Variants in HYCC1 observed in about 807,000 individuals in gnomAD.
The protein encoded by HYCC1 is hyccin.
the HYCC1 span, chr7:22,976,579 G>A: frequency 2.7e-6 from 2 of 746,992 alleles, no homozygotes; most frequent in South Asian, 3.0e-5. Context: ...AAATGACTCA[G>A]TATTCAAATA....
the HYCC1 span, among the ~76,000 whole-genome samples, chr7:22,898,604 C>CTTTTT: frequency 5.0e-5 from 2 of 39,792 alleles, no homozygotes; most frequent in Non-Finnish European, 6.3e-5. Flanking sequence ...CTTTTCTTTT[C>CTTTTT]TTTTTTTTTT....
chr7:22,934,101 C>G, the HYCC1 span: 7 of 151,956 alleles, frequency 4.6e-5, no homozygotes, highest in East Asian at 1.4e-3. Context: ...AGGGGCTTTC[C>G]CTTTTGAAGG....
chr7:22,987,389 A>G, the HYCC1 span, among the ~76,000 whole-genome samples: 1 of 152,200 alleles, frequency 6.6e-6, no homozygotes, highest in East Asian at 1.9e-4. Context: ...CTCTAATAAA[A>G]ATACAAAAAT....
At chr7:22,944,380 A>C in the HYCC1 span, 18 of 152,124 alleles carry the variant, frequency 1.2e-4, no homozygotes, top group African/African-American at 4.1e-4. Flanking sequence ...GTTTGTTTCA[A>C]CTTCTGCCAT....
chr7:22,947,705 C>A, the HYCC1 span, among the ~76,000 whole-genome samples: 1 of 149,422 alleles, frequency 6.7e-6, no homozygotes, highest in South Asian at 2.2e-4. Flanking sequence ...AGGAACCAAG[C>A]CACACAGAAG....
At chr7:22,898,816 C>T in the HYCC1 span, among the ~76,000 whole-genome samples, 6 of 151,062 alleles carry the variant, frequency 4.0e-5, no homozygotes, top group South Asian at 2.1e-4. Context: ...TTGGCCAGGC[C>T]GGTCTCAAAC....
chr7:22,945,971 T>G, the HYCC1 span: 40 of 1,613,886 alleles, frequency 2.5e-5, no homozygotes, highest in Middle Eastern at 1.7e-4. Flanking sequence ...CCCTGTAGTT[T>G]CTTTTTCTTT....
chr7:22,935,345 C>G, the HYCC1 span: 2 of 152,142 alleles, frequency 1.3e-5, no homozygotes, highest in African/African-American at 4.8e-5. Flanking sequence ...CTTAGGGGAT[C>G]ATTTTTAATC....
At chr7:22,977,555 C>G in the HYCC1 span, 1 of 581,970 alleles carries the variant, frequency 1.7e-6, no homozygotes, top group East Asian at 2.9e-5. Context: ...AAACCTTAAA[C>G]CATGATAATC....
At chr7:23,000,397 T>C in the HYCC1 span, among the ~76,000 whole-genome samples, 1 of 152,162 alleles carries the variant, frequency 6.6e-6, no homozygotes, top group Admixed American at 6.6e-5. Context: ...TATATAGATA[T>C]CTGCTCAACC....
chr7:22,987,922 T>C, the HYCC1 span, among the ~76,000 whole-genome samples: 4 of 152,156 alleles, frequency 2.6e-5, no homozygotes, highest in Admixed American at 6.5e-5. Context: ...TCTAGAAATA[T>C]GTATGTAACC....
At chr7:22,919,629 AAT>A in the HYCC1 span, among the ~76,000 whole-genome samples, 1 of 152,178 alleles carries the variant, frequency 6.6e-6, no homozygotes, top group Non-Finnish European at 1.5e-5. Flanking sequence ...TAATAATGGA[AAT>A]ACTGGAATTG....
chr7:22,926,057 C>G, the HYCC1 span, among the ~76,000 whole-genome samples: 1 of 152,060 alleles, frequency 6.6e-6, no homozygotes, highest in African/African-American at 2.4e-5. Flanking sequence ...AATTTTCAAC[C>G]CAGAATTTCA....
At chr7:22,948,704 G>C in the HYCC1 span, among the ~76,000 whole-genome samples, 12 of 152,088 alleles carry the variant, frequency 7.9e-5, no homozygotes, top group African/African-American at 2.9e-4. Context: ...CCAACATGCT[G>C]GTGTAATTAT....
the HYCC1 span, chr7:22,942,495 A>C: frequency 2.0e-5 from 3 of 152,250 alleles, no homozygotes; most frequent in Non-Finnish European, 4.4e-5. Flanking sequence ...CCCCACTTGG[A>C]TTCCAAAAAG....
At chr7:22,975,946 C>G in the HYCC1 span, among the ~76,000 whole-genome samples, 1 of 152,122 alleles carries the variant, frequency 6.6e-6, no homozygotes, top group Non-Finnish European at 1.5e-5. Flanking sequence ...TTTTGAACTC[C>G]TGGGTTCACG....
At chr7:22,896,209 G>T in the HYCC1 span, among the ~76,000 whole-genome samples, 1 of 152,164 alleles carries the variant, frequency 6.6e-6, no homozygotes, top group Admixed American at 6.5e-5. Context: ...GGCTCCCTGA[G>T]AGTTATGATA....
the HYCC1 span, among the ~76,000 whole-genome samples, chr7:22,986,585 C>A: frequency 6.6e-6 from 1 of 152,194 alleles, no homozygotes; most frequent in Non-Finnish European, 1.5e-5. Context: ...CGATGGCTCA[C>A]GCCTGTAATC....
chr7:22,962,339 C>T, the HYCC1 span, among the ~76,000 whole-genome samples: 6 of 152,124 alleles, frequency 3.9e-5, no homozygotes, highest in African/African-American at 9.7e-5. Flanking sequence ...ACAGGCTCTT[C>T]GCCATAAATC....
Sources: gnomAD v4.1 joint callset for allele counts (sites outside exome capture counted in the v4.1 genomes callset) on GRCh38, gnomAD v4.1.1 for gene constraint, MANE v1.5 for transcripts, NCBI Gene and HGNC (gene_info 2026-07-23, HGNC 2026-07-21) for gene names.